Variants in VAV3 observed in about 807,000 individuals in gnomAD.
VAV3 encodes vav guanine nucleotide exchange factor 3, also known as guanine nucleotide exchange factor VAV3.
VAV3 carries 94 observed loss-of-function variants against 131.2 expected under a neutral mutation model. The ratio of observed to expected loss-of-function variants is 0.72; its 90% CI spans 0.61 to 0.85. VAV3 has a LOEUF of 0.85. Among genes scored for constraint, VAV3 ranks in the 40% least tolerant of loss-of-function variants. The pLI is 0.00. For synonymous variants in VAV3, 349 were observed against 342.0 expected (o/e 1.02, Z -0.22); for missense variants, 939 against 1,002.7 (o/e 0.94, Z 0.86).
chr1:107,827,772 A>G (rs1307845210), intron 2 of VAV3, among the ~76,000 whole-genome samples: 2 of 152,206 alleles, frequency 1.3e-5, no homozygotes, highest in African/African-American at 4.8e-5. Flanking sequence ...TTTATTTGAA[A>G]CAGTCTTATT....
chr1:107,964,630 C>A, intron 1 of VAV3, 36 bp downstream of exon 1: 1 of 1,599,068 alleles, frequency 6.3e-7, no homozygotes, highest in Non-Finnish European at 8.5e-7. Context: ...TGGGAGCTGC[C>A]GGCTGGAGGC....
chr1:107,684,587 A>C lies in VAV3; in HGVS notation c.1732-1054T>G, dbSNP rs564556181. Among the ~76,000 whole-genome samples, 77 of 152,350 alleles carry C rather than the reference A, an allele frequency of 5.1e-4. 1 individual carries two copies. Among genetic ancestry groups the C allele is most frequent in the Admixed American group, 6.5e-4 (10 of 15,310 alleles). On this transcript the variant is annotated intron_variant, in intron 18 of 26. Coordinates refer to ENST00000370056, the MANE Select transcript of VAV3 (RefSeq NM_006113.5). ...ACTTGCAGGGTTCTCAGGTGAAAGC[A>C]AATTGGAGAAATTTTTAAAATGTAA...
At chr1:107,639,562 C>A (rs1460944243) in intron 20 of VAV3, among the ~76,000 whole-genome samples, 1 of 152,022 alleles carries the variant, frequency 6.6e-6, no homozygotes, top group Non-Finnish European at 1.5e-5. Context: ...GGTAAACAAG[C>A]ACACAAAAAG....
chr1:107,647,497 T>C (rs970541575), intron 19 of VAV3, among the ~76,000 whole-genome samples: 7 of 151,902 alleles, frequency 4.6e-5, no homozygotes, highest in Admixed American at 3.9e-4. Flanking sequence ...GTCCATGGAA[T>C]AGACAGACAG....
intron 15 of VAV3, among the ~76,000 whole-genome samples, chr1:107,708,523 CT>C (rs1211912791): frequency 2.0e-5 from 3 of 152,110 alleles, no homozygotes; most frequent in African/African-American, 7.2e-5. Context: ...AATGTTGACA[CT>C]CTTAGGGCTT....
chr1:107,786,523 TGACA>T (rs958010540), intron 2 of VAV3, among the ~76,000 whole-genome samples: 11 of 152,308 alleles, frequency 7.2e-5, no homozygotes, highest in African/African-American at 1.7e-4. Context: ...GTTAAAGAGG[TGACA>T]GACAGACAGA....
At chr1:107,603,211 G>A (rs768391235) in intron 22 of VAV3, 48 bp from the exon 23 acceptor site, 2 of 1,393,312 alleles carry the variant, frequency 1.4e-6, no homozygotes, top group South Asian at 2.4e-5. Flanking sequence ...ACCTGGAAGA[G>A]AACAGAGGCT....
chr1:107,596,290 A>T lies in VAV3; in HGVS notation c.2272T>A (p.Leu758Ile). 2.5e-6 allele frequency: 4 copies of T among 1,613,654 alleles called. No individual in the cohort carries two copies. The highest frequency in any genetic ancestry group is 3.4e-6 in the Non-Finnish European group (4 of 1,179,622). Residue 758 changes from leucine (L) to isoleucine (I), a missense_variant, in exon 25 of 27, where the codon TTA (leucine) becomes ATA (isoleucine). Transcript: ENST00000370056. Reference sequence around the variant, plus strand: ...TATGGAAACTGCAGAGTTGTATCTAAGGTTCTGAACCCTTCCTTGAGAGAA... The same window carrying T: ...TATGGAAACTGCAGAGTTGTATCTATGGTTCTGAACCCTTCCTTGAGAGAA... ...HHSLKEGFRT[L>I]DTTLQFPYKE...
At chr1:107,580,131 G>C (rs960004983) in intron 25 of VAV3, among the ~76,000 whole-genome samples, 3 of 152,208 alleles carry the variant, frequency 2.0e-5, no homozygotes, top group Admixed American at 6.5e-5. Flanking sequence ...CTGGAGGGCA[G>C]GGGCCAGTTC....
At chr1:107,656,985 G>A (rs943926683) in intron 19 of VAV3, among the ~76,000 whole-genome samples, 6 of 117,718 alleles carry the variant, frequency 5.1e-5, no homozygotes, top group Middle Eastern at 0.01. Flanking sequence ...ACGATGTCTC[G>A]CTCTGTCACA....
At chr1:107,683,785 G>A (rs931907777) in intron 18 of VAV3, among the ~76,000 whole-genome samples, 1 of 152,056 alleles carries the variant, frequency 6.6e-6, no homozygotes, top group African/African-American at 2.4e-5. Flanking sequence ...AATCTTTTTG[G>A]TTGCCAACTC....
chr1:107,679,465 C>T (rs1658450589), intron 19 of VAV3, among the ~76,000 whole-genome samples: 1 of 152,156 alleles, frequency 6.6e-6, no homozygotes, highest in East Asian at 1.9e-4. Context: ...CAGCACAACA[C>T]AGAATGGTCG....
intron 17 of VAV3, among the ~76,000 whole-genome samples, chr1:107,691,179 C>T (rs1324927664): frequency 1.3e-5 from 2 of 152,130 alleles, no homozygotes; most frequent in African/African-American, 2.4e-5. Flanking sequence ...AGCCTGTTCA[C>T]TGACACTAAA....
At chr1:107,617,898 C>T (rs1426022565) in intron 20 of VAV3, among the ~76,000 whole-genome samples, 1 of 152,128 alleles carries the variant, frequency 6.6e-6, no homozygotes, top group Non-Finnish European at 1.5e-5. Context: ...ATTTTGTTAG[C>T]TTTATATCTC....
At chr1:107,897,393 A>G (rs1178525660) in intron 1 of VAV3, 3 of 151,634 alleles carry the variant, frequency 2.0e-5, no homozygotes, top group African/African-American at 7.3e-5. Flanking sequence ...TAGAGGGAGA[A>G]AGAGAGAAAA....
chr1:107,731,821 A>T (rs1662256020), intron 15 of VAV3, among the ~76,000 whole-genome samples: 1 of 152,188 alleles, frequency 6.6e-6, no homozygotes, highest in African/African-American at 2.4e-5. Flanking sequence ...AGAATGTATG[A>T]ATTTATAAAA....
chr1:107,601,274 C>T (rs1172617308), intron 24 of VAV3, among the ~76,000 whole-genome samples: 1 of 152,130 alleles, frequency 6.6e-6, no homozygotes, highest in East Asian at 1.9e-4. Context: ...CCTTGCTGCC[C>T]ATCCTTAGCT....
At chr1:107,851,497 A>G (rs1375503912) in intron 2 of VAV3, among the ~76,000 whole-genome samples, 2 of 152,074 alleles carry the variant, frequency 1.3e-5, no homozygotes, top group Non-Finnish European at 2.9e-5. Flanking sequence ...TTAAGCTGGA[A>G]AGCCTTTATT....
chr1:107,600,349 T>C (rs1260176283), intron 24 of VAV3, among the ~76,000 whole-genome samples: 1 of 152,228 alleles, frequency 6.6e-6, no homozygotes, highest in Non-Finnish European at 1.5e-5. Flanking sequence ...TCCAGCTCCT[T>C]GTTTTTCTTT....
Sources: allele counts gnomAD v4.1 joint callset (sites outside exome capture counted in the v4.1 genomes callset), GRCh38; gene constraint gnomAD v4.1.1; transcripts MANE v1.5; gene names NCBI Gene and HGNC (gene_info 2026-07-23, HGNC 2026-07-21).